CNTNAP5: variants seen among roughly 807,000 people sequenced by gnomAD.
The protein encoded by CNTNAP5 is contactin-associated protein-like 5.
Under a neutral mutation model 150.2 loss-of-function variants are expected in CNTNAP5, and 72 were observed. The observed-to-expected ratio is 0.48, with a 90% CI of 0.40 to 0.58. The LOEUF (loss-of-function observed/expected upper bound fraction) is 0.58, where lower values mean the gene tolerates loss of function less well. Among genes scored for constraint, CNTNAP5 ranks in the 20% least tolerant of loss-of-function variants. The pLI, the probability that CNTNAP5 is intolerant of heterozygous loss-of-function variation, is 0.00. For missense variants in CNTNAP5, 1,636 were observed against 1,626.2 expected, an observed-to-expected ratio of 1.01 and a Z score of -0.10; for synonymous variants, 672 against 619.8, an observed-to-expected ratio of 1.08 and a Z score of -1.25.
intron 12 of CNTNAP5, among the ~76,000 whole-genome samples, chr2:124,611,941 G>A (rs940170105): frequency 1.3e-5 from 2 of 152,112 alleles, no homozygotes; most frequent in South Asian, 2.1e-4. Flanking sequence ...TCCATCTAAC[G>A]TAGAAGGGAA....
At chr2:124,424,601 A>G (rs1010055932) in intron 4 of CNTNAP5, among the ~76,000 whole-genome samples, 1 of 152,216 alleles carries the variant, frequency 6.6e-6, no homozygotes, top group African/African-American at 2.4e-5. Flanking sequence ...ACACACATAC[A>G]TGGAATAACA....
At chr2:124,890,472 T>C (rs1357230197) in intron 21 of CNTNAP5, among the ~76,000 whole-genome samples, 1 of 152,058 alleles carries the variant, frequency 6.6e-6, no homozygotes, top group Admixed American at 6.6e-5. Flanking sequence ...AATGTTTCCT[T>C]CCCCTCCTTA....
intron 21 of CNTNAP5, among the ~76,000 whole-genome samples, chr2:124,885,849 T>TA (rs1172752737): frequency 1.3e-5 from 2 of 152,094 alleles, no homozygotes; most frequent in African/African-American, 2.4e-5. Context: ...GGGTGTTTTT[T>TA]AAAAAATCTA....
chr2:124,807,159 T>C (rs1682098485), intron 19 of CNTNAP5, among the ~76,000 whole-genome samples: 1 of 152,200 alleles, frequency 6.6e-6, no homozygotes, highest in South Asian at 2.1e-4. Flanking sequence ...CGGTTCTCTG[T>C]GCAGTTAATT....
intron 3 of CNTNAP5, among the ~76,000 whole-genome samples, chr2:124,266,404 T>A (rs945259777): frequency 3.9e-5 from 6 of 152,310 alleles, no homozygotes; most frequent in Admixed American, 3.3e-4. Flanking sequence ...CTTTACAGAC[T>A]TTAGAAACCG....
At chr2:124,475,968 G>C (rs1471208973) in intron 7 of CNTNAP5, among the ~76,000 whole-genome samples, 1 of 151,852 alleles carries the variant, frequency 6.6e-6, no homozygotes, top group Non-Finnish European at 1.5e-5. Flanking sequence ...CTAACGTCCT[G>C]TGTTTCCTGG....
intron 6 of CNTNAP5, among the ~76,000 whole-genome samples, chr2:124,447,441 A>T (rs2968541): frequency 6.6e-6 from 1 of 152,160 alleles, no homozygotes; most frequent in African/African-American, 2.4e-5. Context: ...CAGTGAAATG[A>T]ACCAGTTCAA....
rs1689946808 is a variant in CNTNAP5 at position 124,354,300 on chromosome 2, A to C, written c.382-63143A>C. Among the ~76,000 whole-genome samples the C allele has an allele frequency of 2.6e-5, 4 of 152,320 alleles. No homozygotes were observed. In the South Asian group the frequency reaches 6.2e-4, roughly 24 times the overall value. On this transcript the variant is annotated intron_variant, in intron 3 of 23. Coordinates refer to ENST00000682447, the MANE Select transcript of CNTNAP5 (RefSeq NM_001367498.1). ...AATCTTTGAGAATCTAGTTCAGAGC[A>C]CAAGAGAACTAGAGAGACAGTGATT... is the stretch of plus-strand genomic sequence containing the variant.
At chr2:124,574,129 G>A (rs1696224057) in intron 11 of CNTNAP5, among the ~76,000 whole-genome samples, 1 of 152,050 alleles carries the variant, frequency 6.6e-6, no homozygotes, top group African/African-American at 2.4e-5. Context: ...TTTGGCATAG[G>A]TGTTGCCATC....
chr2:124,034,247 C>T (rs1426627909), intron 1 of CNTNAP5, among the ~76,000 whole-genome samples: 1 of 152,156 alleles, frequency 6.6e-6, no homozygotes, highest in African/African-American at 2.4e-5. Context: ...GCATAAAATA[C>T]ATATAATGTG....
intron 21 of CNTNAP5, among the ~76,000 whole-genome samples, chr2:124,888,052 T>C (rs1678118282): frequency 1.3e-5 from 2 of 152,148 alleles, no homozygotes; most frequent in African/African-American, 4.8e-5. Flanking sequence ...TGGGATATGA[T>C]TGACCTCATC....
rs150826467 is a variant in CNTNAP5, at chr2:124,593,071, T to A, written c.1757-16730T>A. Among the ~76,000 whole-genome samples the A allele has an allele frequency of 7.8e-3, 1,178 of 151,386 alleles. 6 individuals are homozygous for A. The highest frequency in any genetic ancestry group is 0.011 in the Non-Finnish European group (740 of 67,820). On this transcript the variant is annotated intron_variant, in intron 11 of 23. Coordinates refer to ENST00000682447, the MANE Select transcript of CNTNAP5 (RefSeq NM_001367498.1). ...AATTTACATAGAAATTCAGCCTTGT[T>A]TTTCTCTAGTACATGTATGTATTCT...
At position 124,819,368 on chromosome 2, in the gene CNTNAP5, T is replaced by C. The variant is rs151060811; in HGVS notation, c.3217+21048T>C. Among the ~76,000 whole-genome samples, 702 of 152,248 alleles carry C rather than the reference T, an allele frequency of 4.6e-3. 5 individuals are homozygous for C. Among genetic ancestry groups the C allele is most frequent in the Non-Finnish European group, 6.3e-3 (427 of 68,020 alleles). On this transcript the variant is annotated intron_variant, in intron 19 of 23. Transcript: ENST00000682447. ...AATTTTCACTACCACTTAGGACTCC[T>C]ATTTCTGTTTGGTAAAATTTTTCCA...
intron 22 of CNTNAP5, among the ~76,000 whole-genome samples, chr2:124,906,118 T>C (rs1440764523): frequency 1.3e-5 from 2 of 152,038 alleles, no homozygotes; most frequent in Non-Finnish European, 2.9e-5. Context: ...AAATGACTAA[T>C]ACACTGAGAT....
At chr2:124,560,518 CA>C (rs11285774) in intron 10 of CNTNAP5, among the ~76,000 whole-genome samples, 68,438 of 126,664 alleles carry the variant, frequency 0.54, 18,106 homozygotes, top group Non-Finnish European at 0.59. Context: ...GACTCCATTT[CA>C]AAAAAAAAAA....
intron 7 of CNTNAP5, among the ~76,000 whole-genome samples, chr2:124,502,061 C>T (rs1287273887): frequency 6.6e-6 from 1 of 152,172 alleles, no homozygotes; most frequent in African/African-American, 2.4e-5. Context: ...GGACCGAAAG[C>T]ATATCCCAGT....
intron 3 of CNTNAP5, among the ~76,000 whole-genome samples, chr2:124,297,914 G>A (rs947193728): frequency 6.6e-6 from 1 of 150,950 alleles, no homozygotes; most frequent in Non-Finnish European, 1.5e-5. Context: ...GCGCAATCTT[G>A]GCTCACTGCA....
At chr2:124,722,741 G>T (rs549071501) in intron 13 of CNTNAP5, among the ~76,000 whole-genome samples, 1 of 152,290 alleles carries the variant, frequency 6.6e-6, no homozygotes, top group African/African-American at 2.4e-5. Flanking sequence ...TGACCCCTGA[G>T]CCTGTGTCCT....
At chr2:124,060,531 T>C (rs1681980919) in intron 1 of CNTNAP5, among the ~76,000 whole-genome samples, 1 of 152,148 alleles carries the variant, frequency 6.6e-6, no homozygotes, top group South Asian at 2.1e-4. Context: ...CTACAAGTAT[T>C]CTATTTGTGG....
Sources: gnomAD v4.1 joint callset for allele counts (sites outside exome capture counted in the v4.1 genomes callset) on GRCh38, gnomAD v4.1.1 for gene constraint, MANE v1.5 for transcripts, NCBI Gene and HGNC (gene_info 2026-07-23, HGNC 2026-07-21) for gene names.